Variants in XKR6 observed in about 807,000 individuals in gnomAD.
The protein encoded by XKR6 is XK related 6.
XKR6 carries 22 observed loss-of-function variants against 56.7 expected under a neutral mutation model. That is an observed-to-expected ratio of 0.39 (90% CI 0.28 to 0.55). The LOEUF is 0.55. Ranked by LOEUF, XKR6 falls within the 20% of genes least tolerant of loss-of-function variation. The pLI is 0.66. For synonymous variants in XKR6, 524 were observed against 387.8 expected (o/e 1.35, Z -4.13); for missense variants, 852 against 889.0 (o/e 0.96, Z 0.53).
chr8:11,193,869 A>G (rs1396473702), intron 1 of XKR6, among the ~76,000 whole-genome samples: 2 of 152,060 alleles, frequency 1.3e-5, no homozygotes, highest in Admixed American at 6.5e-5. Context: ...ACAGATTACA[A>G]AAAAAAGACT....
intron 1 of XKR6, among the ~76,000 whole-genome samples, chr8:11,010,684 C>T (rs760118207): frequency 6.6e-6 from 1 of 152,174 alleles, no homozygotes; most frequent in African/African-American, 2.4e-5. Flanking sequence ...AGCTTTAAAA[C>T]AACTTTTCCC....
At chr8:11,164,447 C>G (rs565155455) in intron 1 of XKR6, among the ~76,000 whole-genome samples, 123 of 152,228 alleles carry the variant, frequency 8.1e-4, no homozygotes, top group African/African-American at 2.4e-3. Flanking sequence ...GTCTTCTCCC[C>G]TATGGGTTCC....
At chr8:10,973,800 G>C (rs1222436744) in intron 1 of XKR6, among the ~76,000 whole-genome samples, 2 of 152,138 alleles carry the variant, frequency 1.3e-5, no homozygotes, top group African/African-American at 4.8e-5. Flanking sequence ...GCCCAGGCTG[G>C]TCGTGAACTC....
intron 1 of XKR6, chr8:11,123,494 A>C (rs931958382): frequency 4.7e-6 from 1 of 212,330 alleles, no homozygotes; most frequent in Non-Finnish European, 9.6e-6. Context: ...CCCACCTTCA[A>C]GACCAGCTGC....
chr8:10,996,543 G>A (rs931190013), intron 1 of XKR6, among the ~76,000 whole-genome samples: 38 of 152,126 alleles, frequency 2.5e-4, no homozygotes, highest in Non-Finnish European at 5.1e-4. Context: ...TTTCCTCTTT[G>A]AAGAACAGAA....
At chr8:10,959,535 A>G (rs1348398435) in intron 1 of XKR6, among the ~76,000 whole-genome samples, 1 of 152,122 alleles carries the variant, frequency 6.6e-6, no homozygotes, top group Non-Finnish European at 1.5e-5. Flanking sequence ...CTACTTGCAG[A>G]CAGCCACCTT....
chr8:11,159,372 GACCACA>G lies in XKR6; in HGVS notation c.764+41198_764+41203del, dbSNP rs771372862. On this transcript the variant is annotated intron_variant, in intron 1 of 2. Coordinates refer to ENST00000416569, the MANE Select transcript of XKR6 (RefSeq NM_173683.4). ...ATAGTCTATACAACCCCCAAGTAAT[GACCACA>G]ATGCAGTCTGTTACGACAGCTATGG... Among the ~76,000 whole-genome samples the G allele has an allele frequency of 9.9e-5, 15 of 152,268 alleles. No homozygotes were observed. In the South Asian group the frequency reaches 1.0e-3, roughly 11 times the overall value.
rs563723917 is a variant in XKR6 at position 10,961,820 on chromosome 8, T to G, written c.765-36990A>C. Among the ~76,000 whole-genome samples, 363 of 152,342 alleles carry G rather than the reference T, an allele frequency of 2.4e-3. 1 individual carries two copies. The highest frequency in any genetic ancestry group is 8.5e-3 in the African/African-American group (352 of 41,582). ...TATGCCAGGCAGGAGTGAACCTGCC[T>G]TCCGAGGGGAACGTTGCCAGGAGGA... On this transcript the variant is annotated intron_variant, in intron 1 of 2. Transcript: ENST00000416569.
intron 1 of XKR6, among the ~76,000 whole-genome samples, chr8:11,148,729 G>A (rs1801118659): frequency 6.6e-6 from 1 of 152,242 alleles, no homozygotes; most frequent in African/African-American, 2.4e-5. Context: ...GTACACAAAT[G>A]TTCACATCAT....
At chr8:11,124,188 G>A in intron 1 of XKR6, 1 of 355,828 alleles carries the variant, frequency 2.8e-6, no homozygotes, top group Non-Finnish European at 5.6e-6. Flanking sequence ...ATTTGAGGGA[G>A]AAAAAAGCCA....
At chr8:11,103,882 A>C (rs920694086) in intron 1 of XKR6, among the ~76,000 whole-genome samples, 2 of 152,180 alleles carry the variant, frequency 1.3e-5, no homozygotes. Context: ...AAATAAATTC[A>C]ATTCAAAATT....
chr8:11,016,999 G>T (rs558764507), intron 1 of XKR6, among the ~76,000 whole-genome samples: 1 of 152,242 alleles, frequency 6.6e-6, no homozygotes, highest in Non-Finnish European at 1.5e-5. Flanking sequence ...AGACTGATAA[G>T]ATGAAAGATG....
At chr8:10,956,215 G>A (rs899113896) in intron 1 of XKR6, among the ~76,000 whole-genome samples, 1 of 152,160 alleles carries the variant, frequency 6.6e-6, no homozygotes, top group African/African-American at 2.4e-5. Flanking sequence ...AGTTTTCTAG[G>A]GCTGATCTTC....
intron 1 of XKR6, among the ~76,000 whole-genome samples, chr8:11,052,809 G>T (rs190714402): frequency 6.6e-6 from 1 of 151,416 alleles, no homozygotes; most frequent in African/African-American, 2.4e-5. Flanking sequence ...TAGAGGGCTC[G>T]TTAGGATTCC....
chr8:11,000,736 T>C (rs1024755030), intron 1 of XKR6, among the ~76,000 whole-genome samples: 2 of 152,250 alleles, frequency 1.3e-5, no homozygotes, highest in Non-Finnish European at 2.9e-5. Context: ...TGGGGTCTCA[T>C]GATTCTACAC....
At chr8:10,960,435 C>T (rs922172796) in intron 1 of XKR6, among the ~76,000 whole-genome samples, 2 of 152,128 alleles carry the variant, frequency 1.3e-5, no homozygotes, top group Admixed American at 1.3e-4. Context: ...CTCTGAAGGC[C>T]GGGGGAGGAA....
intron 1 of XKR6, among the ~76,000 whole-genome samples, chr8:10,972,395 C>T (rs1346766038): frequency 6.6e-6 from 1 of 152,220 alleles, no homozygotes; most frequent in African/African-American, 2.4e-5. Flanking sequence ...ATTCTGTAAA[C>T]TCCAAAGGCT....
At chr8:10,936,107 AG>A (rs1801199483) in intron 1 of XKR6, among the ~76,000 whole-genome samples, 2 of 150,192 alleles carry the variant, frequency 1.3e-5, no homozygotes, top group South Asian at 4.2e-4. Flanking sequence ...ATATATATTT[AG>A]GATAGTTAGC....
At chr8:10,973,553 A>G (rs752003247) in intron 1 of XKR6, among the ~76,000 whole-genome samples, 24 of 151,890 alleles carry the variant, frequency 1.6e-4, no homozygotes, top group Non-Finnish European at 2.8e-4. Context: ...AAGGCTACTG[A>G]TCTTTCTTTC....
Sources: gnomAD v4.1 joint callset for allele counts (sites outside exome capture counted in the v4.1 genomes callset) on GRCh38, gnomAD v4.1.1 for gene constraint, MANE v1.5 for transcripts, NCBI Gene and HGNC (gene_info 2026-07-23, HGNC 2026-07-21) for gene names.